The following GMCL1 variants were observed in gnomAD, a reference collection of about 807,000 sequenced individuals.
The protein encoded by GMCL1 is germ cell-less 1, spermatogenesis associated.
Under a neutral mutation model 75.5 loss-of-function variants are expected in GMCL1, and 54 were observed. The ratio of observed to expected loss-of-function variants is 0.71; its 90% CI spans 0.57 to 0.90. GMCL1 has a LOEUF of 0.90. Among genes scored for constraint, GMCL1 ranks in the 40% least tolerant of loss-of-function variants. The pLI is 0.00. For missense variants in GMCL1, 537 were observed against 622.7 expected (o/e 0.86, Z 1.47); for synonymous variants, 210 against 209.6 (o/e 1.00, Z -0.02).
chr2:69,869,900 T>C (rs751424421), intron 12 of GMCL1, 36 bp downstream of exon 12: 1 of 1,589,962 alleles, frequency 6.3e-7, no homozygotes, highest in Non-Finnish European at 8.6e-7. Flanking sequence ...TCCTCCTCAC[T>C]CCAGAGAAAA....
chr2:69,860,839 TTGTC>T (rs1221663339), intron 9 of GMCL1, among the ~76,000 whole-genome samples: 4 of 152,148 alleles, frequency 2.6e-5, no homozygotes, highest in African/African-American at 4.8e-5. Flanking sequence ...GTTTGTTTGT[TTGTC>T]TGTCTGTTTG....
intron 1 of GMCL1, among the ~76,000 whole-genome samples, chr2:69,836,971 GGAAAA>G (rs574158935): frequency 2.0e-5 from 3 of 152,132 alleles, no homozygotes; most frequent in South Asian, 2.1e-4. Flanking sequence ...AAAACAAATA[GGAAAA>G]GAAAAGAAAA....
chr2:69,853,115 G>T (rs1388773549), intron 8 of GMCL1, among the ~76,000 whole-genome samples: 1 of 152,160 alleles, frequency 6.6e-6, no homozygotes, highest in African/African-American at 2.4e-5. Flanking sequence ...AGAATCACCA[G>T]ATTTCTATGA....
intron 13 of GMCL1, among the ~76,000 whole-genome samples, chr2:69,877,683 G>A (rs530674098): frequency 3.6e-5 from 5 of 140,400 alleles, no homozygotes; most frequent in African/African-American, 8.2e-5. Context: ...ACTTTCCCTC[G>A]TACAGAGAGA....
In GMCL1 at chr2:69,840,939, C is replaced by T. The variant is rs778402271; in HGVS notation, c.482-3C>T. 6.2e-7 allele frequency: 1 copy of T among 1,608,126 alleles called. No individual in the cohort carries two copies. Among genetic ancestry groups the T allele is most frequent in the South Asian group, 1.1e-5 (1 of 90,766 alleles). ...TCATCCTACATGTGTACCTTGCTTT[C>T]AGCACTGCAGGTTGCATTTGGTTCA... On this transcript the variant is annotated splice_polypyrimidine_tract_variant and splice_region_variant and intron_variant, in intron 3 of 13. Coordinates refer to ENST00000282570, the MANE Select transcript of GMCL1 (RefSeq NM_178439.5).
chr2:69,836,863 A>T (rs1674831915), intron 1 of GMCL1, among the ~76,000 whole-genome samples: 1 of 152,204 alleles, frequency 6.6e-6, no homozygotes, highest in Non-Finnish European at 1.5e-5. Context: ...TGGGATGCTC[A>T]CAGTTCACTC....
At chr2:69,875,718 C>T (rs1676112034) in intron 13 of GMCL1, among the ~76,000 whole-genome samples, 1 of 147,262 alleles carries the variant, frequency 6.8e-6, no homozygotes, top group African/African-American at 2.5e-5. Flanking sequence ...TTTTTTGAAA[C>T]GGAGTCTTGT....
chr2:69,840,408 T>C (rs1674950857), intron 3 of GMCL1, among the ~76,000 whole-genome samples: 1 of 146,776 alleles, frequency 6.8e-6, no homozygotes, highest in South Asian at 2.1e-4. Flanking sequence ...AGACTCCATC[T>C]CAAAAAAAAA....
Position 69,843,159 on chromosome 2 carries a change from T to C in GMCL1, c.590T>C (p.Ile197Thr). 1 of 1,607,210 alleles carries C rather than the reference T, an allele frequency of 6.2e-7. No homozygotes were observed. Among genetic ancestry groups the C allele is most frequent in the Middle Eastern group, 1.7e-4 (1 of 6,046 alleles). ...AACLLQLDGL[I>T]QQCGETMKET... ...TATTTATATTTACAGGACGGTTTAA[T>C]ACAGCAGTGTGGTGAGACAATGAAG... Residue 197 changes from isoleucine to threonine, a missense_variant, in exon 5 of 14, where the codon ATA (isoleucine) becomes ACA (threonine). Ile to Thr is a moderately conservative substitution (Grantham distance 89, BLOSUM62 -1). Around this residue, in one of 3 missense-constraint regions of GMCL1, gnomAD observed 345 missense variants for 410.5 expected, o/e 0.84. Coordinates refer to ENST00000282570, the MANE Select transcript of GMCL1 (RefSeq NM_178439.5).
intron 8 of GMCL1, among the ~76,000 whole-genome samples, chr2:69,850,341 T>C (rs1675281003): frequency 6.7e-6 from 1 of 149,140 alleles, no homozygotes; most frequent in African/African-American, 2.4e-5. Flanking sequence ...AAAATACATG[T>C]GTATACTAAG....
At chr2:69,847,779 T>C (rs1675197157) in intron 7 of GMCL1, 152 bp downstream of exon 7, 3 of 463,114 alleles carry the variant, frequency 6.5e-6, no homozygotes, top group Non-Finnish European at 1.2e-5. Flanking sequence ...TCTTTATATT[T>C]AGGGATTTGG....
In GMCL1 at chr2:69,879,018, C is replaced by T. The variant is rs760570350; in HGVS notation, c.*14C>T. 1.3e-5 allele frequency: 19 copies of T among 1,472,776 alleles called. No individual in the cohort carries two copies. The South Asian group carries it at 2.2e-4, about 17-fold the overall frequency. The allele number at this position is 1,472,776 out of a possible 1,614,324, so 91.2% of individuals were successfully genotyped here. A position where few individuals can be genotyped will look rare whatever the true frequency, so the allele number is the denominator to read the frequency against. On this transcript the variant is annotated 3_prime_UTR_variant, in exon 14 of 14. Coordinates refer to ENST00000282570, the MANE Select transcript of GMCL1 (RefSeq NM_178439.5). ...AAAAAGAATTGAAAATAATCGTCAC[C>T]CAGAAAATCCAGAAAACTGAAGATT...
rs1433966921 is a variant in GMCL1, at chr2:69,864,991, G to T, written c.1218+16G>T. 11 of 1,581,370 alleles carry T rather than the reference G, an allele frequency of 7.0e-6. No individual in the cohort carries two copies. Among genetic ancestry groups the T allele is most frequent in the Non-Finnish European group, 9.6e-6 (11 of 1,150,630 alleles). ...AGATGGTGAAGTAAGTATGGGTTGT[G>T]ACTGTTAATATTCTTATACAAATTG... On this transcript the variant is annotated intron_variant, in intron 11 of 13. Coordinates refer to ENST00000282570, the MANE Select transcript of GMCL1 (RefSeq NM_178439.5).
Position 69,864,961 on chromosome 2 carries a change from G to T in GMCL1, c.1204G>T (p.Ala402Ser), listed in dbSNP as rs1675766335. 1 of 1,612,782 alleles carries T rather than the reference G, an allele frequency of 6.2e-7. No individual in the cohort carries two copies. Among genetic ancestry groups the T allele is most frequent in the Non-Finnish European group, 8.5e-7 (1 of 1,179,016 alleles). The change falls in exon 11 of 14, where the codon GCC becomes TCC. Residue 402 changes from alanine (A) to serine (S), a missense_variant. Ala to Ser is a moderately conservative substitution (Grantham distance 99). Transcript: ENST00000282570. ...CAGCATGAGGTGTGGTAGAAAGCTT[G>T]CCAAAGATGGTGAAGTAAGTATGGG... ...GNSMRCGRKLAKDGEYCWRWT... is the reference protein window; with the variant it reads ...GNSMRCGRKLSKDGEYCWRWT...
intron 9 of GMCL1, 37 bp from the exon 10 acceptor site, chr2:69,861,241 C>A: frequency 1.5e-6 from 2 of 1,343,616 alleles, no homozygotes; most frequent in South Asian, 2.5e-5. Context: ...GTTCTTCAGT[C>A]GTTATTTATT....
chr2:69,856,749 C>T (rs191907194), intron 9 of GMCL1, among the ~76,000 whole-genome samples: 275 of 150,358 alleles, frequency 1.8e-3, no homozygotes, highest in African/African-American at 6.2e-3. Flanking sequence ...AGGAGACCAC[C>T]GTCCTAGCCC....
intron 13 of GMCL1, among the ~76,000 whole-genome samples, chr2:69,877,758 T>C (rs2104079173): frequency 6.6e-6 from 1 of 152,170 alleles, no homozygotes; most frequent in Admixed American, 6.6e-5. Flanking sequence ...CTCTACCTTC[T>C]TTATTCAAAT....
chr2:69,858,905 T>A (rs960178430), intron 9 of GMCL1, among the ~76,000 whole-genome samples: 2 of 152,052 alleles, frequency 1.3e-5, no homozygotes, highest in Non-Finnish European at 2.9e-5. Flanking sequence ...CCCAGCACTT[T>A]GGAAGGCCGA....
At position 69,880,825 on chromosome 2, in the gene GMCL1, G is replaced by A. The variant is rs1401472048; in HGVS notation, c.*1821G>A. The stretch of plus-strand genomic sequence containing the variant: ...ATTGCGCCATTGCACTCCAACCTAG[G>A]CGACAGAGTGAGACTCCGTCTCAAA... On this transcript the variant is annotated 3_prime_UTR_variant, in exon 14 of 14. Coordinates refer to ENST00000282570, the MANE Select transcript of GMCL1 (RefSeq NM_178439.5). The A allele has an allele frequency of 7.1e-6, 1 of 140,050 alleles. No individual in the cohort carries two copies. The highest frequency in any genetic ancestry group is 2.1e-4 in the East Asian group (1 of 4,810). The allele number at this position is 140,050 out of a possible 1,614,324, so 8.7% of individuals were successfully genotyped here.
Sources: gnomAD v4.1 joint callset for allele counts (sites outside exome capture counted in the v4.1 genomes callset) on GRCh38, gnomAD v4.1.1 for gene constraint, gnomAD v4.1.1 regional missense constraint, MANE v1.5 for transcripts, NCBI Gene and HGNC (gene_info 2026-07-23, HGNC 2026-07-21) for gene names.